STK33: variants seen among roughly 807,000 people sequenced by gnomAD.
STK33 encodes serine/threonine kinase 33, also known as serine/threonine-protein kinase 33.
STK33 carries 52 observed loss-of-function variants against 58.0 expected under a neutral mutation model. The ratio of observed to expected loss-of-function variants is 0.90; its 90% CI spans 0.72 to 1.13. The LOEUF (loss-of-function observed/expected upper bound fraction) is 1.13, where lower values mean the gene tolerates loss of function less well. Ranked by LOEUF, STK33 falls within the 50% of genes most tolerant of loss-of-function variation. The probability of loss-of-function intolerance (pLI) is 0.00; values close to 1 mark genes in which losing one functional copy is unlikely to be tolerated. For synonymous variants in STK33, 215 were observed against 200.1 expected, an observed-to-expected ratio of 1.07 and a Z score of -0.63; for missense variants, 630 against 604.2, an observed-to-expected ratio of 1.04 and a Z score of -0.45.
chr11:8,418,170 C>T (rs1170639463), intron 14 of STK33, among the ~76,000 whole-genome samples: 1 of 151,632 alleles, frequency 6.6e-6, no homozygotes, highest in Non-Finnish European at 1.5e-5. Context: ...CACAGGGGTT[C>T]GTTGGACAGA....
At chr11:8,497,711 C>G (rs922948180) in intron 1 of STK33, among the ~76,000 whole-genome samples, 1 of 152,204 alleles carries the variant, frequency 6.6e-6, no homozygotes, top group Non-Finnish European at 1.5e-5. Flanking sequence ...ATCTGCCTGC[C>G]TTTGCCTCCC....
At chr11:8,490,724 G>T (rs1451524272) in intron 1 of STK33, among the ~76,000 whole-genome samples, 1 of 152,140 alleles carries the variant, frequency 6.6e-6, no homozygotes, top group African/African-American at 2.4e-5. Flanking sequence ...CTTCCAGAAG[G>T]ATCAGGCAGA....
At chr11:8,428,701 A>G (rs532625194) in intron 14 of STK33, among the ~76,000 whole-genome samples, 4 of 152,286 alleles carry the variant, frequency 2.6e-5, no homozygotes, top group Admixed American at 1.3e-4. Context: ...AAACAATACA[A>G]CATTGCTGAA....
At chr11:8,337,574 C>T in the STK33 span, among the ~76,000 whole-genome samples, 7 of 149,058 alleles carry the variant, frequency 4.7e-5, no homozygotes, top group South Asian at 1.3e-3. Context: ...GCTTTGGGAC[C>T]GCGGAGCCAC....
intron 11 of STK33, among the ~76,000 whole-genome samples, chr11:8,442,640 T>G (rs1218246775): frequency 6.6e-6 from 1 of 152,194 alleles, no homozygotes; most frequent in East Asian, 1.9e-4. Context: ...ATTTTCCCCA[T>G]GTAACTACAG....
intron 1 of STK33, among the ~76,000 whole-genome samples, chr11:8,539,965 A>G (rs1033544108): frequency 1.3e-5 from 2 of 152,174 alleles, no homozygotes; most frequent in African/African-American, 4.8e-5. Flanking sequence ...TGGTGGGAAT[A>G]TAGACTGGTA....
At chr11:8,580,484 G>A (rs569409683) in intron 1 of STK33, among the ~76,000 whole-genome samples, 1 of 151,952 alleles carries the variant, frequency 6.6e-6, no homozygotes, top group Non-Finnish European at 1.5e-5. Context: ...GGAGAATGGA[G>A]GGAGGGGGAA....
chr11:8,358,239 A>C, the STK33 span, among the ~76,000 whole-genome samples: 1 of 152,110 alleles, frequency 6.6e-6, no homozygotes, highest in Admixed American at 6.5e-5. Flanking sequence ...ACACTGGAAG[A>C]CGTCAGGGTT....
At chr11:8,442,399 G>A (rs1944867979) in intron 11 of STK33, among the ~76,000 whole-genome samples, 1 of 152,140 alleles carries the variant, frequency 6.6e-6, no homozygotes, top group Non-Finnish European at 1.5e-5. Context: ...CACACAGCAG[G>A]GGACGGGAAA....
At chr11:8,503,893 G>C (rs1429028014) in intron 1 of STK33, among the ~76,000 whole-genome samples, 1 of 152,062 alleles carries the variant, frequency 6.6e-6, no homozygotes, top group Admixed American at 6.6e-5. Context: ...CACTTCTCCT[G>C]TACTTGAACT....
intron 1 of STK33, among the ~76,000 whole-genome samples, chr11:8,532,050 T>C (rs1169336027): frequency 6.6e-6 from 1 of 152,188 alleles, no homozygotes; most frequent in Non-Finnish European, 1.5e-5. Flanking sequence ...AAGAGAAGTG[T>C]AATATTATTT....
intron 15 of STK33, among the ~76,000 whole-genome samples, chr11:8,405,939 G>C (rs547383312): frequency 5.9e-5 from 9 of 151,948 alleles, no homozygotes; most frequent in African/African-American, 1.2e-4. Context: ...TCAGGAGATC[G>C]AGACCATCCT....
At chr11:8,446,701 G>C (rs1412147403) in intron 11 of STK33, among the ~76,000 whole-genome samples, 1 of 152,058 alleles carries the variant, frequency 6.6e-6, no homozygotes. Context: ...AAATCTGATA[G>C]AAACAAGCAA....
chr11:8,357,897 G>T, the STK33 span, among the ~76,000 whole-genome samples: 1,666 of 152,326 alleles, frequency 0.011, 29 homozygotes, highest in African/African-American at 0.038. Flanking sequence ...GTCTGAAGAG[G>T]TAAGACAACT....
At chr11:8,414,116 G>GC (rs1361743171) in intron 14 of STK33, among the ~76,000 whole-genome samples, 1 of 150,938 alleles carries the variant, frequency 6.6e-6, no homozygotes, top group Non-Finnish European at 1.5e-5. Context: ...AAATATCTAG[G>GC]CAAAAAAAAA....
At chr11:8,398,604 C>T (rs370599527) in intron 15 of STK33, among the ~76,000 whole-genome samples, 5 of 152,176 alleles carry the variant, frequency 3.3e-5, no homozygotes, top group East Asian at 1.9e-4. Context: ...CAAATTCAGA[C>T]GTAACAATAT....
In STK33 at chr11:8,493,721, C is replaced by A. The variant is rs1031863824; in HGVS notation, c.-465-13107G>T. ...CAATAAAATACTGGCAAACTGAATC[C>A]AGCAGCACATCAAAAAGTTTATCCA... On this transcript the variant is annotated intron_variant, in intron 1 of 15. Transcript: ENST00000687296. 3.3e-5 allele frequency among the ~76,000 whole-genome samples: 5 copies of A among 152,112 alleles called. No individual in the cohort carries two copies. In the East Asian group the frequency reaches 5.8e-4, roughly 18 times the overall value.
intron 1 of STK33, among the ~76,000 whole-genome samples, chr11:8,556,113 G>C (rs1956728146): frequency 6.6e-6 from 1 of 152,270 alleles, no homozygotes; most frequent in Admixed American, 6.5e-5. Flanking sequence ...TTGGCCAAGA[G>C]AGTACCTCAG....
At chr11:8,521,232 A>T (rs1217414542) in intron 1 of STK33, among the ~76,000 whole-genome samples, 2 of 152,170 alleles carry the variant, frequency 1.3e-5, no homozygotes, top group Admixed American at 1.3e-4. Flanking sequence ...CAAACTATAT[A>T]AGGCTACAGT....
Sources: allele counts gnomAD v4.1 joint callset (sites outside exome capture counted in the v4.1 genomes callset), GRCh38; gene constraint gnomAD v4.1.1; transcripts MANE v1.5; gene names NCBI Gene and HGNC (gene_info 2026-07-23, HGNC 2026-07-21).